The following PKD1L3 variants were observed in gnomAD, a reference collection of about 807,000 sequenced individuals.
PKD1L3 encodes the protein polycystin-1-like protein 3.
In PKD1L3, 239 loss-of-function variants were observed where a neutral mutation model predicts 184.1. The observed-to-expected ratio is 1.30, with a 90% CI of 1.17 to 1.45. PKD1L3 has a LOEUF of 1.45. PKD1L3 is among the 40% of genes most tolerant of loss of function. The pLI, the probability that PKD1L3 is intolerant of heterozygous loss-of-function variation, is 0.00. For synonymous variants in PKD1L3, 996 were observed against 778.8 expected (o/e 1.28, Z -4.64); for missense variants, 2,660 against 2,067.2 (o/e 1.29, Z -5.56).
In PKD1L3 at chr16:71,993,284, G is replaced by A; in HGVS notation, c.467C>T (p.Ser156Phe). The change falls in exon 3 of 30, where the codon TCC becomes TTC. Residue 156 changes from serine (S) to phenylalanine (F), a missense_variant. By Grantham distance (155) the Ser-to-Phe change is radical. Coordinates refer to ENST00000620267, the MANE Select transcript of PKD1L3 (RefSeq NM_181536.2). ...DAHYERNGNN[S>F]HLYQRHKKTK... The stretch of plus-strand genomic sequence containing the variant: ...CTTCTTGTGTCTCTGGTACAAATGG[G>A]AATTATTTCCATTTCTTTCATAATG... The A allele has an allele frequency of 1.3e-6, 2 of 1,549,528 alleles. No individual in the cohort carries two copies. Among genetic ancestry groups the A allele is most frequent in the Non-Finnish European group, 1.7e-6 (2 of 1,146,270 alleles).
intron 29 of PKD1L3, 54 bp downstream of exon 29, chr16:71,929,998 G>A: frequency 1.3e-6 from 2 of 1,505,956 alleles, no homozygotes; most frequent in Non-Finnish European, 1.8e-6. Flanking sequence ...GGCAGTTACA[G>A]TGGAGCTTTC....
Position 71,999,867 on chromosome 16 carries a change from T to A in PKD1L3, c.112A>T (p.Asn38Tyr), listed in dbSNP as rs1368745091. ...TCCTCAAAGCTGCATTGAAATCTGT[T>A]AAGCTGGTAACAATTATTTTGCCCA... Reference protein sequence around the residue: ...PHGQNNCYQLNRFQCSFEEAQ... With the variant: ...PHGQNNCYQLYRFQCSFEEAQ... Residue 38 changes from asparagine (N) to tyrosine (Y), a missense_variant, in exon 1 of 30, where the codon AAC becomes TAC. Transcript: ENST00000620267. The A allele has an allele frequency of 3.2e-6, 5 of 1,551,792 alleles. No individual in the cohort carries two copies. The East Asian group carries it at 1.2e-4, about 38-fold the overall frequency.
At chr16:71,985,661 G>A (rs934219629) in intron 5 of PKD1L3, among the ~76,000 whole-genome samples, 5 of 152,100 alleles carry the variant, frequency 3.3e-5, no homozygotes, top group African/African-American at 1.2e-4. Context: ...TCTCAAACTC[G>A]GGCTTACGTG....
chr16:71,953,939 G>C (rs1368180621), intron 17 of PKD1L3, among the ~76,000 whole-genome samples, 166 bp downstream of exon 17: 2 of 152,032 alleles, frequency 1.3e-5, no homozygotes, highest in African/African-American at 4.8e-5. Flanking sequence ...TAGTAGGCTG[G>C]GCATGGTGAC....
At chr16:71,991,804 A>G (rs1471639939) in intron 3 of PKD1L3, among the ~76,000 whole-genome samples, 2 of 152,180 alleles carry the variant, frequency 1.3e-5, no homozygotes, top group Non-Finnish European at 2.9e-5. Flanking sequence ...ACACACTGAG[A>G]AAATTTCTGA....
chr16:71,998,164 A>G (rs1242375600), intron 2 of PKD1L3, 108 bp downstream of exon 2: 1 of 1,411,620 alleles, frequency 7.1e-7, no homozygotes, highest in East Asian at 2.5e-5. Context: ...GTATCATCCC[A>G]TGGTCTAACA....
At position 71,933,933 on chromosome 16, in the gene PKD1L3, C is replaced by G. The variant is rs549462284; in HGVS notation, c.4806G>C (p.Leu1602=). 1.3e-6 allele frequency: 2 copies of G among 1,551,270 alleles called. No individual in the cohort carries two copies. The highest frequency in any genetic ancestry group is 3.9e-5 in the Admixed American group (2 of 50,980). Residue 1602 remains leucine (L), a synonymous_variant, in exon 27 of 30, where the codon CTG becomes CTC. Coordinates refer to ENST00000620267, the MANE Select transcript of PKD1L3 (RefSeq NM_181536.2). ...VGFLLIILIL[L]TGYAIAFNLL... Reference sequence around the variant, plus strand: ...GGCTTACGGCAATGGCATAGCCTGTCAGCAGGATTAGGATGATCAGCAGAA... The same window carrying G: ...GGCTTACGGCAATGGCATAGCCTGTGAGCAGGATTAGGATGATCAGCAGAA...
chr16:71,986,111 G>A (rs763440376), intron 5 of PKD1L3, 110 bp downstream of exon 5: 10 of 1,372,130 alleles, frequency 7.3e-6, no homozygotes, highest in Non-Finnish European at 9.9e-6. Context: ...TGGCATATAC[G>A]CTGGTCTGTC....
chr16:71,970,238 A>T, intron 12 of PKD1L3, 133 bp from the exon 13 acceptor site: 1 of 696,648 alleles, frequency 1.4e-6, no homozygotes, highest in South Asian at 1.9e-5. Flanking sequence ...TGATGGCGTA[A>T]ATTGGTATAA....
chr16:71,977,592 T>G (rs1359921887), intron 10 of PKD1L3, 125 bp from the exon 11 acceptor site: 2 of 723,986 alleles, frequency 2.8e-6, no homozygotes, highest in Admixed American at 5.9e-5. Context: ...AGATGGGGTC[T>G]TGCTATGTTG....
At chr16:71,971,947 T>C (rs1431896552) in intron 12 of PKD1L3, among the ~76,000 whole-genome samples, 3 of 152,210 alleles carry the variant, frequency 2.0e-5, no homozygotes, top group Admixed American at 2.0e-4. Context: ...CCGGGCACGG[T>C]GGCTCACACC....
intron 16 of PKD1L3, among the ~76,000 whole-genome samples, chr16:71,961,821 C>T (rs1352567324): frequency 2.0e-5 from 3 of 152,088 alleles, no homozygotes; most frequent in Non-Finnish European, 4.4e-5. Context: ...TCTTATATGC[C>T]GCAATTGTAA....
At chr16:71,951,464 G>GT in intron 19 of PKD1L3, 100 bp downstream of exon 19, 1 of 1,213,294 alleles carries the variant, frequency 8.2e-7, no homozygotes, top group Non-Finnish European at 1.1e-6. Flanking sequence ...CCAGAAGGTT[G>GT]TATCAGGCCT....
intron 28 of PKD1L3, among the ~76,000 whole-genome samples, chr16:71,933,052 T>C (rs2038042535): frequency 1.3e-5 from 2 of 152,084 alleles, no homozygotes; most frequent in Admixed American, 1.3e-4. Context: ...TGGCCTCTCA[T>C]GGCTTGAACC....
In PKD1L3 at chr16:71,989,423, G is replaced by A. The variant is rs145633431; in HGVS notation, c.585+857C>T. On this transcript the variant is annotated intron_variant, in intron 4 of 29. Transcript: ENST00000620267. The stretch of plus-strand genomic sequence containing the variant: ...CCGCCTCGGCCTCCCAAAGGGCTGG[G>A]ATTACGGGCGTGAGCCACCGTGCCC... 6.2e-3 allele frequency among the ~76,000 whole-genome samples: 951 copies of A among 152,350 alleles called. 10 individuals carry two copies. The highest frequency in any genetic ancestry group is 0.021 in the African/African-American group (878 of 41,574).
At chr16:71,958,889 C>G (rs1167033145) in intron 16 of PKD1L3, among the ~76,000 whole-genome samples, 3 of 150,020 alleles carry the variant, frequency 2.0e-5, no homozygotes, top group Non-Finnish European at 4.4e-5. Context: ...GAGTTTGAGA[C>G]CAGCCTGGGC....
chr16:71,970,335 A>C (rs1421730366), intron 12 of PKD1L3, among the ~76,000 whole-genome samples: 1 of 152,226 alleles, frequency 6.6e-6, no homozygotes, highest in Non-Finnish European at 1.5e-5. Flanking sequence ...CTGAGTGTAT[A>C]CATGTTCTAG....
chr16:71,981,271 G>A (rs1307415124), intron 7 of PKD1L3, among the ~76,000 whole-genome samples: 3 of 152,124 alleles, frequency 2.0e-5, no homozygotes, highest in Non-Finnish European at 2.9e-5. Flanking sequence ...GTTACATGGC[G>A]ATTCTATTTT....
At chr16:71,997,625 G>A (rs1266130409) in intron 2 of PKD1L3, among the ~76,000 whole-genome samples, 2 of 152,146 alleles carry the variant, frequency 1.3e-5, no homozygotes, top group Non-Finnish European at 2.9e-5. Context: ...GCACATGCCT[G>A]TAATCCCAGC....
Sources: allele counts gnomAD v4.1 joint callset (sites outside exome capture counted in the v4.1 genomes callset), GRCh38; gene constraint gnomAD v4.1.1; transcripts MANE v1.5; gene names NCBI Gene and HGNC (gene_info 2026-07-23, HGNC 2026-07-21).